ZNF592: variants seen among roughly 807,000 people sequenced by gnomAD.
The protein encoded by ZNF592 is spinocerebellar ataxia, autosomal recessive 5.
A neutral mutation model predicts 80.3 loss-of-function variants in ZNF592; 11 were observed. That is an observed-to-expected ratio of 0.14 (90% CI 0.09 to 0.23). ZNF592 has a LOEUF of 0.23. ZNF592 is among the 10% of genes least tolerant of loss of function. ZNF592 has a pLI of 1.00. For missense variants in ZNF592, 1,420 were observed against 1,633.9 expected (o/e 0.87, Z 2.26); for synonymous variants, 646 against 640.3 (o/e 1.01, Z -0.13).
chr15:84,799,054 T>A lies in ZNF592; in HGVS notation c.3025-44T>A. The A allele has an allele frequency of 1.2e-6, 2 of 1,610,786 alleles. No homozygotes were observed. Among genetic ancestry groups the A allele is most frequent in the Non-Finnish European group, 1.7e-6 (2 of 1,176,948 alleles). ...GAGAAGAAAAATGCACCCAGAACTATCTTACAGTTCTGATGCTTTGTGTGT... is the reference window on the plus strand; with the variant it reads ...GAGAAGAAAAATGCACCCAGAACTAACTTACAGTTCTGATGCTTTGTGTGT... On this transcript the variant is annotated intron_variant, in intron 8 of 10. Transcript: ENST00000560079. The surrounding 1 kb of genome is among the most constrained non-coding windows in gnomAD (Gnocchi z 4.2).
intron 2 of ZNF592, among the ~76,000 whole-genome samples, chr15:84,773,502 C>T (rs1056178214): frequency 1.3e-5 from 2 of 152,110 alleles, no homozygotes; most frequent in South Asian, 2.1e-4. Context: ...TGAGCCATCG[C>T]GCCCGGCCCC....
intron 2 of ZNF592, among the ~76,000 whole-genome samples, chr15:84,767,886 C>G (rs971860017): frequency 2.7e-5 from 4 of 148,980 alleles, no homozygotes; most frequent in African/African-American, 9.9e-5. Context: ...CTTTTCTTTT[C>G]TTTTTTTTGA....
rs147919400 is a variant in ZNF592, at chr15:84,800,988, TAAAACA to T, written c.3274-861_3274-856del. On this transcript the variant is annotated intron_variant, in intron 10 of 10. Transcript: ENST00000560079. The stretch of plus-strand genomic sequence containing the variant: ...ACATGCTCCAATGTATGTTGTTAAG[TAAAACA>T]AAAACAAAAACAAGAAAAACACAGG... Among the ~76,000 whole-genome samples, 52 of 152,186 alleles carry T rather than the reference TAAAACA, an allele frequency of 3.4e-4. No homozygotes were observed. In the East Asian group the frequency reaches 5.6e-3, roughly 16 times the overall value.
At chr15:84,780,120 G>A (rs1211660090) in intron 3 of ZNF592, among the ~76,000 whole-genome samples, 1 of 151,372 alleles carries the variant, frequency 6.6e-6, no homozygotes, top group Non-Finnish European at 1.5e-5. Context: ...CCAAGTAGAT[G>A]GTACTACAGG....
intron 1 of ZNF592, among the ~76,000 whole-genome samples, chr15:84,757,430 T>G (rs541024423): frequency 1.1e-3 from 160 of 151,814 alleles, no homozygotes; most frequent in African/African-American, 3.7e-3. Context: ...ATTACAGTCT[T>G]GACCTCCTGG....
intron 1 of ZNF592, among the ~76,000 whole-genome samples, chr15:84,761,834 T>A (rs1351419600): frequency 6.6e-6 from 1 of 152,218 alleles, no homozygotes; most frequent in Non-Finnish European, 1.5e-5. Context: ...CCTTTCAAGT[T>A]CATTTTCTGT....
At chr15:84,761,715 T>C (rs1899355876) in intron 1 of ZNF592, among the ~76,000 whole-genome samples, 1 of 152,220 alleles carries the variant, frequency 6.6e-6, no homozygotes, top group South Asian at 2.1e-4. Context: ...CTGTTCTTTC[T>C]GGTCTGCTGA....
At chr15:84,790,938 T>A in intron 5 of ZNF592, 55 bp downstream of exon 5, 2 of 1,608,526 alleles carry the variant, frequency 1.2e-6, no homozygotes, top group Non-Finnish European at 1.7e-6. Context: ...GTCCTTTTCC[T>A]AAGCCAGAAC....
Position 84,799,822 on chromosome 15 carries a change from T to G in ZNF592, c.3138-20T>G, listed in dbSNP as rs1213844942. On this transcript the variant is annotated intron_variant, in intron 9 of 10. Transcript: ENST00000560079. The surrounding 1 kb of genome is among the most constrained non-coding windows in gnomAD (Gnocchi z 4.2). The stretch of plus-strand genomic sequence containing the variant: ...CTGCGGCCCGGGCACTTACCTGACC[T>G]CTCCGCTGTGCTTCTGCAGGTACTG... The G allele has an allele frequency of 6.2e-7, 1 of 1,613,634 alleles. No individual in the cohort carries two copies. The highest frequency in any genetic ancestry group is 1.3e-5 in the African/African-American group (1 of 74,928).
At chr15:84,773,742 GA>G (rs61113995) in intron 2 of ZNF592, among the ~76,000 whole-genome samples, 2,060 of 144,692 alleles carry the variant, frequency 0.014, 20 homozygotes, top group African/African-American at 0.028. Flanking sequence ...CATCTCTCCA[GA>G]AAAAAAAAAA....
rs1458840316 is a variant in ZNF592 at position 84,798,058 on chromosome 15, C to T, written c.2576+13C>T. 3.7e-6 allele frequency: 6 copies of T among 1,613,326 alleles called. No homozygotes were observed. The highest frequency in any genetic ancestry group is 1.7e-5 in the Admixed American group (1 of 60,004). ...ACAGACCCTCCCAGTGAGTGCAGCT[C>T]CAGGGCCAGCAGGCCCTGTGGAGCA... On this transcript the variant is annotated intron_variant, in intron 6 of 10. Transcript: ENST00000560079. This position sits in a 1 kb window ranked among gnomAD's most constrained non-coding sequence, Gnocchi z 4.5.
chr15:84,761,464 C>T (rs1186472276), intron 1 of ZNF592, among the ~76,000 whole-genome samples: 1 of 152,168 alleles, frequency 6.6e-6, no homozygotes, highest in East Asian at 1.9e-4. Flanking sequence ...TCCCCAACTG[C>T]TGTGTGGCTG....
intron 1 of ZNF592, among the ~76,000 whole-genome samples, chr15:84,750,858 G>C (rs1381463442): frequency 6.6e-6 from 1 of 152,110 alleles, no homozygotes; most frequent in South Asian, 2.1e-4. Flanking sequence ...TGGAGACTAG[G>C]GCCAAATTAG....
rs1388191852 is a variant in ZNF592 at position 84,799,770 on chromosome 15, C to G, written c.3138-72C>G. ...CTGCTCCAGACTCCCTCCTTCCTGGCCTTGGTGTGAATAGCACTGAGGGAG... is the reference window on the plus strand; with the variant it reads ...CTGCTCCAGACTCCCTCCTTCCTGGGCTTGGTGTGAATAGCACTGAGGGAG... On this transcript the variant is annotated intron_variant, in intron 9 of 10. Transcript: ENST00000560079. This position sits in a 1 kb window ranked among gnomAD's most constrained non-coding sequence, Gnocchi z 4.2. 3 of 1,605,362 alleles carry G rather than the reference C, an allele frequency of 1.9e-6. No homozygotes were observed. The Admixed American group carries it at 5.0e-5, about 27-fold the overall frequency.
In ZNF592 at chr15:84,764,737, G is replaced by A. The variant is rs1899451678; in HGVS notation, c.-228G>A. ...GTTTGGACTCTAGACCATGTGCCTA[G>A]GTAGAAGTTTTTCCTTTCTCCGCAG... On this transcript the variant is annotated 5_prime_UTR_variant, in exon 2 of 11. Transcript: ENST00000560079. 2.5e-6 allele frequency: 1 copy of A among 398,774 alleles called. No homozygotes were observed. The highest frequency in any genetic ancestry group is 2.1e-5 in the African/African-American group (1 of 48,556). The allele number at this position is 398,774 out of a possible 1,614,324, so 24.7% of individuals were successfully genotyped here.
chr15:84,796,178 C>T (rs914514193), intron 5 of ZNF592, among the ~76,000 whole-genome samples: 5 of 137,382 alleles, frequency 3.6e-5, no homozygotes, highest in Non-Finnish European at 7.7e-5. Context: ...GCCAAGATTG[C>T]ACCACTGCAC....
At chr15:84,800,683 G>A (rs909305696) in intron 10 of ZNF592, among the ~76,000 whole-genome samples, 1 of 152,210 alleles carries the variant, frequency 6.6e-6, no homozygotes, top group Non-Finnish European at 1.5e-5. Context: ...ATCGATTGAT[G>A]TTTTTGGCAA....
At chr15:84,792,633 G>A (rs1388705118) in intron 5 of ZNF592, among the ~76,000 whole-genome samples, 1 of 152,084 alleles carries the variant, frequency 6.6e-6, no homozygotes, top group Non-Finnish European at 1.5e-5. Context: ...TGTGCTTTTT[G>A]TAGAGAGAGG....
At chr15:84,796,522 C>T (rs1203592125) in intron 5 of ZNF592, among the ~76,000 whole-genome samples, 1 of 151,616 alleles carries the variant, frequency 6.6e-6, no homozygotes, top group East Asian at 1.9e-4. Flanking sequence ...AAAGACTGAA[C>T]ACAGGAGAGG....
Sources: allele counts gnomAD v4.1 joint callset (sites outside exome capture counted in the v4.1 genomes callset), GRCh38; gene constraint gnomAD v4.1.1; non-coding constraint Gnocchi (gnomAD v3.1); transcripts MANE v1.5; gene names NCBI Gene and HGNC (gene_info 2026-07-23, HGNC 2026-07-21).